FHIT: variants seen among roughly 807,000 people sequenced by gnomAD.
FHIT encodes bis(5'-adenosyl)-triphosphatase.
Under a neutral mutation model 17.9 loss-of-function variants are expected in FHIT, and 19 were observed. The observed-to-expected ratio is 1.06, with a 90% CI of 0.74 to 1.56. The LOEUF (loss-of-function observed/expected upper bound fraction) is 1.56. Ranked by LOEUF, FHIT falls within the 40% of genes most tolerant of loss-of-function variation. FHIT has a pLI of 0.00. For missense variants in FHIT, 248 were observed against 189.2 expected, an observed-to-expected ratio of 1.31 and a Z score of -1.82; for synonymous variants, 81 against 69.7, an observed-to-expected ratio of 1.16 and a Z score of -0.81.
At chr3:60,744,903 G>A (rs1187507381) in intron 4 of FHIT, among the ~76,000 whole-genome samples, 3 of 152,162 alleles carry the variant, frequency 2.0e-5, no homozygotes, top group Non-Finnish European at 2.9e-5. Context: ...GCATTGTGCT[G>A]AGTGACGGGG....
intron 5 of FHIT, among the ~76,000 whole-genome samples, chr3:60,091,235 C>T (rs1011713260): frequency 5.3e-5 from 8 of 152,298 alleles, no homozygotes; most frequent in East Asian, 3.9e-4. Context: ...TCTGAACTCT[C>T]CTAAAGCCCA....
At chr3:59,902,617 G>A (rs1316896633) in intron 8 of FHIT, among the ~76,000 whole-genome samples, 1 of 151,764 alleles carries the variant, frequency 6.6e-6, no homozygotes, top group Admixed American at 6.6e-5. Context: ...TCTTTAAAAA[G>A]AAGGAAAGAA....
intron 7 of FHIT, among the ~76,000 whole-genome samples, chr3:59,932,437 G>A (rs1706019244): frequency 6.6e-6 from 1 of 152,146 alleles, no homozygotes; most frequent in South Asian, 2.1e-4. Context: ...GTAAAGCAAA[G>A]GAAGCATTGA....
intron 3 of FHIT, among the ~76,000 whole-genome samples, chr3:60,950,323 T>C (rs1553776886): frequency 6.6e-6 from 1 of 152,186 alleles, no homozygotes; most frequent in African/African-American, 2.4e-5. Context: ...TAATATCATA[T>C]TTATTGAGAG....
intron 5 of FHIT, among the ~76,000 whole-genome samples, chr3:60,225,104 T>C (rs930014442): frequency 1.3e-5 from 2 of 152,204 alleles, no homozygotes; most frequent in Non-Finnish European, 2.9e-5. Flanking sequence ...TCGTCATTAC[T>C]AAGTCCTTCA....
intron 4 of FHIT, among the ~76,000 whole-genome samples, chr3:60,726,939 T>C (rs1297961077): frequency 1.3e-5 from 2 of 152,148 alleles, no homozygotes; most frequent in Non-Finnish European, 2.9e-5. Flanking sequence ...TAACTCCAAG[T>C]TGAGTCTTTT....
intron 2 of FHIT, among the ~76,000 whole-genome samples, chr3:61,065,003 G>A (rs1018944950): frequency 1.3e-5 from 2 of 152,056 alleles, no homozygotes; most frequent in African/African-American, 4.8e-5. Context: ...ATTTCTGCAT[G>A]CAAATCCAAA....
At chr3:60,219,882 G>A (rs887950406) in intron 5 of FHIT, among the ~76,000 whole-genome samples, 1 of 152,048 alleles carries the variant, frequency 6.6e-6, no homozygotes, top group East Asian at 1.9e-4. Flanking sequence ...AGATTCAGAC[G>A]CTACTCAACC....
At chr3:60,445,116 A>C (rs937473900) in intron 5 of FHIT, among the ~76,000 whole-genome samples, 2 of 152,126 alleles carry the variant, frequency 1.3e-5, no homozygotes, top group Admixed American at 1.3e-4. Flanking sequence ...AAAATATGGT[A>C]ATCAAATACT....
At chr3:60,271,916 G>A (rs1353025266) in intron 5 of FHIT, among the ~76,000 whole-genome samples, 1 of 152,146 alleles carries the variant, frequency 6.6e-6, no homozygotes, top group African/African-American at 2.4e-5. Context: ...CAAACTCCAG[G>A]TGTAGTACCA....
At chr3:60,824,850 G>T (rs1553740481) in intron 3 of FHIT, among the ~76,000 whole-genome samples, 1 of 152,144 alleles carries the variant, frequency 6.6e-6, no homozygotes, top group Non-Finnish European at 1.5e-5. Flanking sequence ...CACCATGATT[G>T]TGAGGCCACC....
rs184905150 is a variant in FHIT at position 59,936,050 on chromosome 3, T to A, written c.280-13636A>T. Among the ~76,000 whole-genome samples, 33 of 152,278 alleles carry A rather than the reference T, an allele frequency of 2.2e-4. 1 individual carries two copies. The East Asian group carries it at 6.4e-3, about 29-fold the overall frequency. On this transcript the variant is annotated intron_variant, in intron 7 of 9. Transcript: ENST00000492590. ...AATCCCTTTTAAAAAACTCCTCAGA[T>A]ATGCTCAAGTGTCTGGAGAAATAGC...
At chr3:61,187,087 G>C (rs913363135) in intron 2 of FHIT, among the ~76,000 whole-genome samples, 1 of 152,198 alleles carries the variant, frequency 6.6e-6, no homozygotes, top group Admixed American at 6.5e-5. Context: ...CACATTCCTA[G>C]CATATTACAG....
chr3:60,068,821 T>C (rs1702633013), intron 5 of FHIT, among the ~76,000 whole-genome samples: 2 of 152,322 alleles, frequency 1.3e-5, no homozygotes, highest in Non-Finnish European at 2.9e-5. Flanking sequence ...GAAATGCTAT[T>C]CTTGTTTTAA....
At chr3:61,030,926 A>G (rs2107667164) in intron 3 of FHIT, among the ~76,000 whole-genome samples, 1 of 152,218 alleles carries the variant, frequency 6.6e-6, no homozygotes, top group Non-Finnish European at 1.5e-5. Context: ...GAGTAAGGGG[A>G]GAAGGCAAGT....
At chr3:60,420,308 A>G (rs912905585) in intron 5 of FHIT, among the ~76,000 whole-genome samples, 2 of 152,174 alleles carry the variant, frequency 1.3e-5, no homozygotes, top group Admixed American at 1.3e-4. Flanking sequence ...CATCCATAGC[A>G]TGTATAACAC....
chr3:60,321,540 G>C (rs927415223), intron 5 of FHIT, among the ~76,000 whole-genome samples: 1 of 152,142 alleles, frequency 6.6e-6, no homozygotes, highest in Admixed American at 6.5e-5. Flanking sequence ...TGCATAATCA[G>C]GCATTGAGGG....
chr3:60,663,155 T>C lies in FHIT; in HGVS notation c.-17-126176A>G, dbSNP rs9881646. 1.2e-3 allele frequency among the ~76,000 whole-genome samples: 17 copies of C among 14,094 alleles called. 1 individual carries two copies. The highest frequency in any genetic ancestry group is 9.6e-3 in the South Asian group (4 of 418). 9.2% of individuals were successfully genotyped at this position (14,094 alleles called of 152,430 possible). The stretch of plus-strand genomic sequence containing the variant: ...ATATAGCCCTAATATTGGGTGGAGA[T>C]ATATATCTCTTTAATGTTGGGTTGG... On this transcript the variant is annotated intron_variant, in intron 4 of 9. Coordinates refer to ENST00000492590, the MANE Select transcript of FHIT (RefSeq NM_002012.4).
chr3:60,560,096 GT>G (rs1231722469), intron 4 of FHIT, among the ~76,000 whole-genome samples: 2 of 151,950 alleles, frequency 1.3e-5, no homozygotes, highest in East Asian at 3.9e-4. Flanking sequence ...ACTGTGCACA[GT>G]TTCTAAGTAC....
Sources: gnomAD v4.1 joint callset for allele counts (sites outside exome capture counted in the v4.1 genomes callset) on GRCh38, gnomAD v4.1.1 for gene constraint, MANE v1.5 for transcripts, NCBI Gene and HGNC (gene_info 2026-07-23, HGNC 2026-07-21) for gene names.